Variants in WAPL observed in about 807,000 individuals in gnomAD.
The protein encoded by WAPL is wings apart-like protein homolog.
WAPL carries 5 observed loss-of-function variants against 121.0 expected under a neutral mutation model. That is an observed-to-expected ratio of 0.04 (90% CI 0.02 to 0.09). WAPL has a LOEUF of 0.09. Among genes scored for constraint, WAPL ranks in the 10% least tolerant of loss-of-function variants. The pLI, the probability that WAPL is intolerant of heterozygous loss-of-function variation, is 1.00. For synonymous variants in WAPL, 480 were observed against 481.5 expected (o/e 1.00, Z 0.04); for missense variants, 999 against 1,410.8 (o/e 0.71, Z 4.68).
At position 86,519,569 on chromosome 10, in the gene WAPL, G is replaced by A. The variant is rs574750591; in HGVS notation, c.-22-1478C>T. Among the ~76,000 whole-genome samples the A allele has an allele frequency of 6.6e-5, 10 of 152,146 alleles. No homozygotes were observed. The South Asian group carries it at 1.7e-3, about 25-fold the overall frequency. On this transcript the variant is annotated intron_variant, in intron 1 of 18. Transcript: ENST00000298767. The stretch of plus-strand genomic sequence containing the variant: ...TAATTTAGTCATCATACATATCTGC[G>A]TTAAGAGAAAACAGTGTTCCTGAAG...
At chr10:86,488,945 T>C (rs370457456) in intron 4 of WAPL, among the ~76,000 whole-genome samples, 12 of 152,152 alleles carry the variant, frequency 7.9e-5, no homozygotes, top group African/African-American at 2.7e-4. Context: ...ACCTGAAAAA[T>C]ACCATCTTAA....
intron 17 of WAPL, among the ~76,000 whole-genome samples, chr10:86,438,551 C>A (rs1042060583): frequency 3.3e-5 from 5 of 152,192 alleles, no homozygotes; most frequent in Non-Finnish European, 7.4e-5. Context: ...AGCATGCCGA[C>A]CTACTTTCAT....
At chr10:86,519,345 A>T (rs1031762286) in intron 1 of WAPL, among the ~76,000 whole-genome samples, 1 of 152,210 alleles carries the variant, frequency 6.6e-6, no homozygotes, top group Non-Finnish European at 1.5e-5. Flanking sequence ...AGGAATGAAA[A>T]ATCATTACTT....
chr10:86,472,917 T>C lies in WAPL; in HGVS notation c.1741-153A>G, dbSNP rs1377797158. Among the ~76,000 whole-genome samples the C allele has an allele frequency of 6.6e-6, 1 of 152,224 alleles. No homozygotes were observed. The highest frequency in any genetic ancestry group is 1.5e-5 in the Non-Finnish European group (1 of 68,036). ...GCCTCTCAAAGGTCTTTAGAAATACTTTGAATTCCATGCACTAACAGGTAA... is the reference window on the plus strand; with the variant it reads ...GCCTCTCAAAGGTCTTTAGAAATACCTTGAATTCCATGCACTAACAGGTAA... On this transcript the variant is annotated intron_variant, in intron 5 of 18. Coordinates refer to ENST00000298767, the MANE Select transcript of WAPL (RefSeq NM_015045.5). The surrounding 1 kb of genome is among the most constrained non-coding windows in gnomAD (Gnocchi z 4.2).
At chr10:86,451,930 C>T in intron 15 of WAPL, 37 bp downstream of exon 15, 1 of 1,604,048 alleles carries the variant, frequency 6.2e-7, no homozygotes, top group Non-Finnish European at 8.5e-7. Flanking sequence ...ATCCAACAAA[C>T]TGCAGTTATG....
In WAPL at chr10:86,450,952, G is replaced by A. The variant is rs185195749; in HGVS notation, c.3114+1015C>T. Among the ~76,000 whole-genome samples, 505 of 152,222 alleles carry A rather than the reference G, an allele frequency of 3.3e-3. 6 individuals are homozygous for A. Among genetic ancestry groups the A allele is most frequent in the African/African-American group, 0.012 (483 of 41,538 alleles). The stretch of plus-strand genomic sequence containing the variant: ...CTCTCATTCACAATTTCCCATGCTC[G>A]GCTACTTTGCCACTTTCCAGACTGG... On this transcript the variant is annotated intron_variant, in intron 15 of 18. Transcript: ENST00000298767.
At chr10:86,504,566 A>G (rs1056925040) in intron 2 of WAPL, among the ~76,000 whole-genome samples, 1 of 150,146 alleles carries the variant, frequency 6.7e-6, no homozygotes, top group Non-Finnish European at 1.5e-5. Context: ...AGTCCAAGCT[A>G]CTTGGGAGGC....
chr10:86,521,269 G>A (rs1842670214), intron 1 of WAPL, 96 bp downstream of exon 1: 3 of 235,312 alleles, frequency 1.3e-5, no homozygotes, highest in Non-Finnish European at 8.4e-6. Context: ...CCCGGTGGGC[G>A]AGGCAGTGAG....
At chr10:86,492,404 G>A (rs1035974360) in intron 4 of WAPL, among the ~76,000 whole-genome samples, 4 of 152,168 alleles carry the variant, frequency 2.6e-5, no homozygotes, top group African/African-American at 9.7e-5. Context: ...GGGCATGCAC[G>A]TGGTACTGGA....
At position 86,437,549 on chromosome 10, in the gene WAPL, A is replaced by G. The variant is rs1849355303; in HGVS notation, c.3567T>C (p.His1189=). The change falls in exon 19 of 19, where the codon CAT becomes CAC. Residue 1189 remains histidine, a synonymous_variant. Transcript: ENST00000298767. The stretch of plus-strand genomic sequence containing the variant: ...TGAAGCAAAGGTAAAGCAGCTAGCA[A>G]TGTTCCAAATATTCAATCACTCTAG... The part of the protein sequence containing the change: ...SISRVIEYLE[H]C 6.2e-7 allele frequency: 1 copy of G among 1,613,952 alleles called. No individual in the cohort carries two copies. Among genetic ancestry groups the G allele is most frequent in the Non-Finnish European group, 8.5e-7 (1 of 1,179,952 alleles).
At position 86,474,509 on chromosome 10, in the gene WAPL, G is replaced by A. The variant is rs192772164; in HGVS notation, c.1645-536C>T. 2.7e-4 allele frequency among the ~76,000 whole-genome samples: 21 copies of A among 77,604 alleles called. No homozygotes were observed. The East Asian group carries it at 4.8e-3, about 18-fold the overall frequency. The allele number at this position is 77,604 out of a possible 152,430, so 50.9% of individuals were successfully genotyped here. ...AGCCTGGGTGACAGAGTGAGACTCC[G>A]TCTCAAAAAAAAAAAAAAAAGGTAA... On this transcript the variant is annotated intron_variant, in intron 4 of 18. Transcript: ENST00000298767.
chr10:86,501,672 T>C (rs1842249804), intron 2 of WAPL, among the ~76,000 whole-genome samples: 1 of 152,228 alleles, frequency 6.6e-6, no homozygotes, highest in Non-Finnish European at 1.5e-5. Context: ...TTTTTAATTC[T>C]ACCCAATAGG....
intron 2 of WAPL, among the ~76,000 whole-genome samples, chr10:86,513,236 G>A (rs949371317): frequency 1.1e-4 from 17 of 151,276 alleles, no homozygotes; most frequent in Non-Finnish European, 1.0e-4. Flanking sequence ...GACCTCAAGC[G>A]ATTCACCCGC....
At chr10:86,506,603 C>G (rs528552192) in intron 2 of WAPL, among the ~76,000 whole-genome samples, 2 of 152,132 alleles carry the variant, frequency 1.3e-5, no homozygotes, top group East Asian at 3.9e-4. Context: ...GCCTAGGCAA[C>G]AAAGCAAGAC....
Position 86,521,535 on chromosome 10 carries a change from G to A in WAPL, c.-193C>T, listed in dbSNP as rs1842679154. ...AATAGGAAGCCCGGTTGGGGGGGCA[G>A]GAGCGGCGGCCCCGCAACTTCCCTC... On this transcript the variant is annotated 5_prime_UTR_variant, in exon 1 of 19. Coordinates refer to ENST00000298767, the MANE Select transcript of WAPL (RefSeq NM_015045.5). 2.7e-6 allele frequency: 1 copy of A among 372,096 alleles called. No individual in the cohort carries two copies. Among genetic ancestry groups the A allele is most frequent in the South Asian group, 2.0e-5 (1 of 48,920 alleles). 23.0% of individuals were successfully genotyped at this position (372,096 alleles called of 1,614,324 possible). A position where few individuals can be genotyped will look rare whatever the true frequency, so the allele number is the denominator to read the frequency against.
intron 11 of WAPL, 71 bp from the exon 12 acceptor site, chr10:86,459,136 G>C: frequency 8.2e-7 from 1 of 1,213,342 alleles, no homozygotes; most frequent in Non-Finnish European, 1.2e-6. Context: ...ACCACATTCT[G>C]CCTGGTGCGT....
intron 4 of WAPL, among the ~76,000 whole-genome samples, chr10:86,485,096 C>T (rs1387073189): frequency 1.3e-5 from 2 of 149,552 alleles, no homozygotes; most frequent in Non-Finnish European, 3.0e-5. Flanking sequence ...AACCCCTACC[C>T]CCCTCCTTCC....
At chr10:86,467,822 G>A (rs4523603) in intron 8 of WAPL, among the ~76,000 whole-genome samples, 57,006 of 151,530 alleles carry the variant, frequency 0.38, 11,340 homozygotes, top group South Asian at 0.6. Context: ...GACTACTGGT[G>A]TGTGCCACCA....
chr10:86,440,103 CAAGA>C (rs569793229), intron 17 of WAPL, among the ~76,000 whole-genome samples: 1 of 152,002 alleles, frequency 6.6e-6, no homozygotes, highest in Non-Finnish European at 1.5e-5. Flanking sequence ...TTTTTAGAGA[CAAGA>C]TAGATACAGG....
Sources: gnomAD v4.1 joint callset for allele counts (sites outside exome capture counted in the v4.1 genomes callset) on GRCh38, gnomAD v4.1.1 for gene constraint, Gnocchi (gnomAD v3.1) non-coding constraint, MANE v1.5 for transcripts, NCBI Gene and HGNC (gene_info 2026-07-23, HGNC 2026-07-21) for gene names.